SMYD3: variants seen among roughly 807,000 people sequenced by gnomAD.
SMYD3 encodes the protein histone-lysine N-methyltransferase SMYD3.
Under a neutral mutation model 57.7 loss-of-function variants are expected in SMYD3, and 36 were observed. That is an observed-to-expected ratio of 0.62 (90% CI 0.48 to 0.82). The LOEUF (loss-of-function observed/expected upper bound fraction) is 0.82, where lower values mean the gene tolerates loss of function less well. SMYD3 is among the 40% of genes least tolerant of loss of function. The pLI, the probability that SMYD3 is intolerant of heterozygous loss-of-function variation, is 0.00. For synonymous variants in SMYD3, 211 were observed against 195.0 expected, an observed-to-expected ratio of 1.08 and a Z score of -0.68; for missense variants, 515 against 538.8, an observed-to-expected ratio of 0.96 and a Z score of 0.44.
At chr1:246,406,825 G>A (rs570767091) in intron 1 of SMYD3, among the ~76,000 whole-genome samples, 1 of 152,166 alleles carries the variant, frequency 6.6e-6, no homozygotes, top group Non-Finnish European at 1.5e-5. Flanking sequence ...GTGCAAAATT[G>A]CTTCGATATG....
intron 1 of SMYD3, among the ~76,000 whole-genome samples, chr1:246,441,873 G>A (rs193113145): frequency 3.0e-4 from 46 of 152,284 alleles, no homozygotes; most frequent in Non-Finnish European, 5.7e-4. Context: ...CGGGCCCCCA[G>A]GGTGCTGGGA....
At chr1:245,943,917 C>A (rs967117773) in intron 5 of SMYD3, among the ~76,000 whole-genome samples, 3 of 152,150 alleles carry the variant, frequency 2.0e-5, no homozygotes, top group African/African-American at 7.2e-5. Context: ...GCAGACAACG[C>A]CTTTGAGAAA....
intron 5 of SMYD3, among the ~76,000 whole-genome samples, chr1:246,231,994 C>T (rs1008306938): frequency 6.6e-6 from 1 of 152,158 alleles, no homozygotes; most frequent in Non-Finnish European, 1.5e-5. Flanking sequence ...ACACTTGAGA[C>T]CACAGTCCAG....
chr1:246,474,536 A>G (rs918224140), intron 1 of SMYD3, among the ~76,000 whole-genome samples: 5 of 151,880 alleles, frequency 3.3e-5, no homozygotes, highest in Non-Finnish European at 5.9e-5. Context: ...AAAAAAAAAA[A>G]AAAAAGAAAT....
intron 5 of SMYD3, among the ~76,000 whole-genome samples, chr1:246,171,142 C>T (rs2062323474): frequency 6.6e-6 from 1 of 152,044 alleles, no homozygotes; most frequent in Admixed American, 6.6e-5. Context: ...TGTGCTCCCA[C>T]GCATTGGGTG....
intron 5 of SMYD3, among the ~76,000 whole-genome samples, chr1:246,153,265 C>G (rs936622640): frequency 6.5e-4 from 99 of 152,210 alleles, no homozygotes; most frequent in African/African-American, 2.3e-3. Context: ...TTGAGAGGAA[C>G]AGTCCTCCTA....
At chr1:246,004,940 G>A (rs2059143320) in intron 5 of SMYD3, among the ~76,000 whole-genome samples, 1 of 152,170 alleles carries the variant, frequency 6.6e-6, no homozygotes, top group Non-Finnish European at 1.5e-5. Context: ...AACCTCCTTG[G>A]ACTCAGCTGA....
intron 5 of SMYD3, among the ~76,000 whole-genome samples, chr1:246,109,244 C>T (rs560859725): frequency 6.6e-6 from 1 of 152,248 alleles, no homozygotes; most frequent in African/African-American, 2.4e-5. Flanking sequence ...TACCATGTTA[C>T]AAACGTAAAA....
At chr1:246,221,793 G>A (rs2154197) in intron 5 of SMYD3, among the ~76,000 whole-genome samples, 40,352 of 151,966 alleles carry the variant, frequency 0.27, 6,088 homozygotes, top group East Asian at 0.58. Flanking sequence ...TTTGAAGCAC[G>A]GGATCCAGGC....
At chr1:245,944,168 G>C (rs548374252) in intron 5 of SMYD3, among the ~76,000 whole-genome samples, 28 of 152,188 alleles carry the variant, frequency 1.8e-4, no homozygotes, top group Non-Finnish European at 1.5e-4. Context: ...AGAAATAAAG[G>C]GTACTCAAAT....
intron 7 of SMYD3, among the ~76,000 whole-genome samples, chr1:245,925,087 G>T (rs2056276682): frequency 6.6e-6 from 1 of 152,106 alleles, no homozygotes; most frequent in South Asian, 2.1e-4. Flanking sequence ...CTGACACTCA[G>T]ATCCCAAATA....
intron 5 of SMYD3, among the ~76,000 whole-genome samples, chr1:246,040,873 G>A (rs951755549): frequency 2.6e-5 from 4 of 152,132 alleles, no homozygotes; most frequent in African/African-American, 9.7e-5. Context: ...CAAATAACTA[G>A]AAGATAGATG....
chr1:246,288,062 C>CTTT (rs67603439), intron 5 of SMYD3, among the ~76,000 whole-genome samples: 4,204 of 64,206 alleles, frequency 0.065, 531 homozygotes, highest in Admixed American at 0.1. Flanking sequence ...TCAGGTAATT[C>CTTT]TTTTTTTTTT....
chr1:246,459,590 C>A lies in SMYD3; in HGVS notation c.164+47464G>T, dbSNP rs755609807. Among the ~76,000 whole-genome samples, 40 of 152,194 alleles carry A rather than the reference C, an allele frequency of 2.6e-4. 1 individual carries two copies. Among genetic ancestry groups the A allele is most frequent in the Non-Finnish European group, 1.6e-4 (11 of 68,044 alleles). ...CTCCTTCGCTTCCAGTTTCCTGAGACCTCCCAGCCATGCTTCCTGTACAGC... is the reference window on the plus strand; with the variant it reads ...CTCCTTCGCTTCCAGTTTCCTGAGAACTCCCAGCCATGCTTCCTGTACAGC... On this transcript the variant is annotated intron_variant, in intron 1 of 11. Transcript: ENST00000490107.
Position 246,429,076 on chromosome 1 carries a change from C to T in SMYD3, c.165-73982G>A, listed in dbSNP as rs149005536. Among the ~76,000 whole-genome samples, 698 of 134,506 alleles carry T rather than the reference C, an allele frequency of 5.2e-3. 9 individuals carry two copies. Among genetic ancestry groups the T allele is most frequent in the African/African-American group, 0.018 (658 of 37,376 alleles). The allele number at this position is 134,506 out of a possible 152,430, so 88.2% of individuals were successfully genotyped here. A position where few individuals can be genotyped will look rare whatever the true frequency, so the allele number is the denominator to read the frequency against. The stretch of plus-strand genomic sequence containing the variant: ...ATCAGGTATTGTTCCCACCACAGAA[C>T]CAACCACCGTAGACAGGGAATAAGG... On this transcript the variant is annotated intron_variant, in intron 1 of 11. Coordinates refer to ENST00000490107, the MANE Select transcript of SMYD3 (RefSeq NM_001167740.2).
At chr1:246,387,999 A>G (rs2066513924) in intron 1 of SMYD3, among the ~76,000 whole-genome samples, 1 of 44,668 alleles carries the variant, frequency 2.2e-5, no homozygotes, top group African/African-American at 8.5e-5. Flanking sequence ...GGTTGAAGTC[A>G]GTTTCTAGGG....
chr1:246,089,802 C>A (rs576077326), intron 5 of SMYD3, among the ~76,000 whole-genome samples: 1 of 152,152 alleles, frequency 6.6e-6, no homozygotes, highest in South Asian at 2.1e-4. Context: ...AAATGCCAGC[C>A]ACTCACATGT....
intron 11 of SMYD3, among the ~76,000 whole-genome samples, chr1:245,763,002 G>A (rs747150920): frequency 2.0e-5 from 3 of 152,170 alleles, no homozygotes; most frequent in Non-Finnish European, 4.4e-5. Flanking sequence ...GAAGGGTCAC[G>A]GACTAGAGGA....
intron 5 of SMYD3, among the ~76,000 whole-genome samples, chr1:246,258,399 G>A (rs2063937801): frequency 6.6e-6 from 1 of 152,182 alleles, no homozygotes; most frequent in South Asian, 2.1e-4. Flanking sequence ...GAACTCTTGT[G>A]AGGCTGGTCT....
Sources: gnomAD v4.1 joint callset for allele counts (sites outside exome capture counted in the v4.1 genomes callset) on GRCh38, gnomAD v4.1.1 for gene constraint, MANE v1.5 for transcripts, NCBI Gene and HGNC (gene_info 2026-07-23, HGNC 2026-07-21) for gene names.